Variants in OLFM4 observed in about 807,000 individuals in gnomAD.
OLFM4 encodes olfactomedin 4, also known as olfactomedin-4.
A neutral mutation model predicts 25.5 loss-of-function variants in OLFM4; 22 were observed. That is an observed-to-expected ratio of 0.86 (90% CI 0.62 to 1.23). The LOEUF (loss-of-function observed/expected upper bound fraction) is 1.23. Among genes scored for constraint, OLFM4 ranks in the 50% most tolerant of loss-of-function variants. The pLI, the probability that OLFM4 is intolerant of heterozygous loss-of-function variation, is 0.00. For synonymous variants in OLFM4, 255 were observed against 237.7 expected (o/e 1.07, Z -0.67); for missense variants, 594 against 619.4 (o/e 0.96, Z 0.44).
intron 2 of OLFM4, among the ~76,000 whole-genome samples, chr13:53,040,707 C>T (rs1466466458): frequency 6.6e-6 from 1 of 152,126 alleles, no homozygotes. Context: ...CAGCACAACC[C>T]CCACAAGAAA....
Position 53,051,973 on chromosome 13 carries a change from G to A in OLFM4, c.*1202G>A, listed in dbSNP as rs979834563. On this transcript the variant is annotated 3_prime_UTR_variant, in exon 5 of 5. Coordinates refer to ENST00000219022, the MANE Select transcript of OLFM4 (RefSeq NM_006418.5). ...AGTCTTTGTCTATTTTTCCTTTGATGTTCAAGTCCTAGTCTATAGGATTGG... is the reference window on the plus strand; with the variant it reads ...AGTCTTTGTCTATTTTTCCTTTGATATTCAAGTCCTAGTCTATAGGATTGG... 1 of 152,054 alleles carries A rather than the reference G, an allele frequency of 6.6e-6. No homozygotes were observed. The highest frequency in any genetic ancestry group is 2.4e-5 in the African/African-American group (1 of 41,390). The allele number at this position is 152,054 out of a possible 1,614,324, so 9.4% of individuals were successfully genotyped here.
In OLFM4 at chr13:53,049,985, T is replaced by C. The variant is rs138139681; in HGVS notation, c.747T>C (p.Gly249=). 23 of 1,607,806 alleles carry C rather than the reference T, an allele frequency of 1.4e-5. No homozygotes were observed. In the African/African-American group the frequency reaches 2.8e-4, roughly 20 times the overall value. ...PPPTPGSCGH[G]GVVNISKPSV... is the part of the protein sequence containing the mutation. ...TTTGTATAGGGAGCTGTGGTCATGG[T>C]GGTGTGGTGAACATCAGCAAACCGT... Residue 249 remains glycine, a synonymous_variant, in exon 5 of 5, where the codon GGT becomes GGC. Transcript: ENST00000219022.
intron 1 of OLFM4, among the ~76,000 whole-genome samples, chr13:53,029,998 A>G (rs1250782120): frequency 6.6e-6 from 1 of 152,050 alleles, no homozygotes; most frequent in East Asian, 1.9e-4. Context: ...CTAAGGTATA[A>G]CTTGGGGTGG....
chr13:53,038,227 C>A (rs1185950304), intron 2 of OLFM4, among the ~76,000 whole-genome samples: 2 of 152,116 alleles, frequency 1.3e-5, no homozygotes, highest in African/African-American at 4.8e-5. Context: ...TCGCCCACCC[C>A]CCAGTTATGA....
chr13:53,041,835 C>A, intron 2 of OLFM4, 75 bp from the exon 3 acceptor site: 1 of 996,636 alleles, frequency 1.0e-6, no homozygotes, highest in Non-Finnish European at 1.6e-6. Context: ...GTTCTCAACT[C>A]AAGGGCTCGG....
intron 1 of OLFM4, among the ~76,000 whole-genome samples, chr13:53,032,483 G>A (rs949678943): frequency 6.6e-6 from 1 of 152,036 alleles, no homozygotes; most frequent in African/African-American, 2.4e-5. Flanking sequence ...TGGTTTCAAG[G>A]GAAGCTGGCC....
chr13:53,043,647 C>A (rs1458263330), intron 4 of OLFM4, among the ~76,000 whole-genome samples: 1 of 152,170 alleles, frequency 6.6e-6, no homozygotes, highest in Non-Finnish European at 1.5e-5. Context: ...GAGTTAAGGA[C>A]TGATTGGCTC....
intron 2 of OLFM4, among the ~76,000 whole-genome samples, chr13:53,037,981 T>C (rs1366208814): frequency 6.6e-6 from 1 of 152,110 alleles, no homozygotes; most frequent in African/African-American, 2.4e-5. Flanking sequence ...CAAATTTTAT[T>C]CCTCATCAAT....
chr13:53,028,955 T>C lies in OLFM4; in HGVS notation c.119T>C (p.Val40Ala). The change falls in exon 1 of 5, where the codon GTT (valine) becomes GCT (alanine). Residue 40 changes from valine (V) to alanine (A), a missense_variant. Transcript: ENST00000219022. ...PSPGFSSFPGVDSSSSFSSSS... is the reference protein window; with the variant it reads ...PSPGFSSFPGADSSSSFSSSS... ...CCCGGCTTCAGCTCTTTCCCAGGTGTTGACTCCAGCTCCAGCTTCAGCTCC... is the reference window on the plus strand; with the variant it reads ...CCCGGCTTCAGCTCTTTCCCAGGTGCTGACTCCAGCTCCAGCTTCAGCTCC... 1.2e-6 allele frequency: 2 copies of C among 1,614,232 alleles called. No homozygotes were observed. Among genetic ancestry groups the C allele is most frequent in the Non-Finnish European group, 1.7e-6 (2 of 1,180,032 alleles).
At chr13:53,029,969 ACCT>A (rs1274551524) in intron 1 of OLFM4, among the ~76,000 whole-genome samples, 2 of 151,750 alleles carry the variant, frequency 1.3e-5, no homozygotes, top group African/African-American at 2.4e-5. Context: ...CACTCTGCAA[ACCT>A]CCTAGGCTAT....
rs1244872841 is a variant in OLFM4, at chr13:53,039,398, T to C, written c.358-2512T>C. Among the ~76,000 whole-genome samples the C allele has an allele frequency of 3.3e-5, 5 of 152,166 alleles. No individual in the cohort carries two copies. The East Asian group carries it at 7.7e-4, about 23-fold the overall frequency. ...AGGGGGACTTGTTAGGTTTTATATA[T>C]AGTGAGCCCTCCATAGCCTTGGTTC... On this transcript the variant is annotated intron_variant, in intron 2 of 4. Coordinates refer to ENST00000219022, the MANE Select transcript of OLFM4 (RefSeq NM_006418.5).
chr13:53,044,922 G>C (rs1484981025), intron 4 of OLFM4, among the ~76,000 whole-genome samples: 1 of 152,106 alleles, frequency 6.6e-6, no homozygotes, highest in Non-Finnish European at 1.5e-5. Flanking sequence ...AGATTTTTCT[G>C]GCACAATTTT....
chr13:53,033,504 T>C (rs1002208752), intron 1 of OLFM4, among the ~76,000 whole-genome samples: 1 of 152,022 alleles, frequency 6.6e-6, no homozygotes, highest in Non-Finnish European at 1.5e-5. Flanking sequence ...GGGGTGAAGG[T>C]GAGGAAGAGA....
At chr13:53,049,550 T>A (rs765755054) in intron 4 of OLFM4, among the ~76,000 whole-genome samples, 9 of 152,152 alleles carry the variant, frequency 5.9e-5, no homozygotes, top group Non-Finnish European at 1.2e-4. Flanking sequence ...AGGGTAGGAT[T>A]GTGGAATAAT....
chr13:53,038,761 G>A (rs1346884133), intron 2 of OLFM4, among the ~76,000 whole-genome samples: 1 of 152,232 alleles, frequency 6.6e-6, no homozygotes, highest in African/African-American at 2.4e-5. Flanking sequence ...AGGAGGAGCT[G>A]ACATGTGGTC....
rs776892225 is a variant in OLFM4, at chr13:53,034,475, A to G, written c.332A>G (p.Gln111Arg). 13 of 1,612,344 alleles carry G rather than the reference A, an allele frequency of 8.1e-6. No individual in the cohort carries two copies. In the Admixed American group the frequency reaches 1.0e-4, roughly 12 times the overall value. The change falls in exon 2 of 5, where the codon CAG (glutamine) becomes CGG (arginine). Residue 111 changes from glutamine (Q) to arginine (R), a missense_variant. By Grantham distance (43) the Gln-to-Arg change is conservative. Coordinates refer to ENST00000219022, the MANE Select transcript of OLFM4 (RefSeq NM_006418.5). ...RLEFTAHVLS[Q>R]KFEKELSKVR... ...GAATTCACAGCTCATGTTCTTTCTC[A>G]GAAGTTTGAGAAAGAACTTTCCAAA...
Position 53,043,272 on chromosome 13 carries a change from T to C in OLFM4, c.730+8T>C. The C allele has an allele frequency of 1.3e-6, 2 of 1,587,302 alleles. No homozygotes were observed. Among genetic ancestry groups the C allele is most frequent in the Non-Finnish European group, 1.7e-6 (2 of 1,168,892 alleles). ...ACCCTCCTCCCACTCCAGGTAAGCA[T>C]GCCAGTTTTTTTAACCACTTGTGCC... On this transcript the variant is annotated splice_region_variant and intron_variant, in intron 4 of 4. Transcript: ENST00000219022.
chr13:53,035,781 T>A lies in OLFM4; in HGVS notation c.357+1281T>A, dbSNP rs1954655341. On this transcript the variant is annotated intron_variant, in intron 2 of 4. Coordinates refer to ENST00000219022, the MANE Select transcript of OLFM4 (RefSeq NM_006418.5). ...ACTTGAACTCTGATTACTGTTTTTT[T>A]CTTTAGCCAGAGGAAGTTATCTTAA... 2.0e-5 allele frequency among the ~76,000 whole-genome samples: 3 copies of A among 152,342 alleles called. No homozygotes were observed. The South Asian group carries it at 6.2e-4, about 32-fold the overall frequency.
intron 4 of OLFM4, among the ~76,000 whole-genome samples, chr13:53,047,521 C>A (rs1421055387): frequency 1.3e-5 from 2 of 152,090 alleles, no homozygotes; most frequent in Non-Finnish European, 2.9e-5. Flanking sequence ...TAAAAATAGC[C>A]CTTTATCCTT....
Sources: allele counts gnomAD v4.1 joint callset (sites outside exome capture counted in the v4.1 genomes callset), GRCh38; gene constraint gnomAD v4.1.1; transcripts MANE v1.5; gene names NCBI Gene and HGNC (gene_info 2026-07-23, HGNC 2026-07-21).